NTM: variants seen among roughly 807,000 people sequenced by gnomAD.
The protein encoded by NTM is IgLON family member 2.
A neutral mutation model predicts 42.1 loss-of-function variants in NTM; 13 were observed. The observed-to-expected ratio is 0.31, with a 90% CI of 0.20 to 0.49. NTM has a LOEUF of 0.49. NTM is among the 20% of genes least tolerant of loss of function. The pLI is 0.99. For missense variants in NTM, 373 were observed against 452.8 expected, an observed-to-expected ratio of 0.82 and a Z score of 1.60; for synonymous variants, 187 against 179.2, an observed-to-expected ratio of 1.04 and a Z score of -0.35.
intron 1 of NTM, among the ~76,000 whole-genome samples, chr11:131,540,000 C>T (rs535224179): frequency 1.3e-5 from 2 of 152,268 alleles, no homozygotes; most frequent in Non-Finnish European, 2.9e-5. Flanking sequence ...GTCACCTTAG[C>T]TCCCACCTCA....
intron 1 of NTM, among the ~76,000 whole-genome samples, chr11:131,529,510 T>C (rs924046665): frequency 2.6e-5 from 4 of 152,166 alleles, no homozygotes; most frequent in African/African-American, 9.7e-5. Flanking sequence ...GGCTCATCAG[T>C]GCCCAAGGAA....
At chr11:132,038,416 G>T (rs906680220) in intron 2 of NTM, among the ~76,000 whole-genome samples, 1 of 152,172 alleles carries the variant, frequency 6.6e-6, no homozygotes, top group Non-Finnish European at 1.5e-5. Context: ...GCAATTGTTA[G>T]TGCCCGGAGG....
chr11:131,738,941 A>G (rs895986238), intron 1 of NTM, among the ~76,000 whole-genome samples: 2 of 152,134 alleles, frequency 1.3e-5, no homozygotes, highest in Non-Finnish European at 1.5e-5. Flanking sequence ...CCAGAATGAG[A>G]TTCTATGGTC....
rs78144155 is a variant in NTM, at chr11:132,128,149, A to C, written c.168-18133A>C. On this transcript the variant is annotated intron_variant, in intron 2 of 8. Transcript: ENST00000683400. Reference sequence around the variant, plus strand: ...TGGGGACAGGACGCTGGAGAGGAGAAGCACATGGCAGTGGTATAGGATGGT... The same window carrying C: ...TGGGGACAGGACGCTGGAGAGGAGACGCACATGGCAGTGGTATAGGATGGT... 3.1e-3 allele frequency among the ~76,000 whole-genome samples: 468 copies of C among 152,310 alleles called. 4 individuals carry two copies. The highest frequency in any genetic ancestry group is 9.0e-3 in the African/African-American group (373 of 41,568).
chr11:131,854,104 A>G (rs1398005248), intron 1 of NTM, among the ~76,000 whole-genome samples: 1 of 152,204 alleles, frequency 6.6e-6, no homozygotes, highest in Non-Finnish European at 1.5e-5. Flanking sequence ...CAAAGAAAGC[A>G]TTGGTATATT....
intron 1 of NTM, among the ~76,000 whole-genome samples, chr11:131,568,718 T>A (rs1361310308): frequency 1.3e-5 from 2 of 152,170 alleles, no homozygotes; most frequent in African/African-American, 4.8e-5. Context: ...CTCTGATGGT[T>A]TCTCATTCCA....
chr11:131,635,384 T>C (rs2064227392), intron 1 of NTM, among the ~76,000 whole-genome samples: 1 of 152,168 alleles, frequency 6.6e-6, no homozygotes, highest in South Asian at 2.1e-4. Context: ...CATGTAGGTC[T>C]CAGCTAATGT....
intron 1 of NTM, among the ~76,000 whole-genome samples, chr11:131,450,992 G>T (rs1205531973): frequency 1.3e-5 from 2 of 152,060 alleles, no homozygotes; most frequent in Admixed American, 1.3e-4. Flanking sequence ...AACTCTCTTG[G>T]ACAAGTTATG....
At chr11:131,458,113 A>G (rs982658820) in intron 1 of NTM, among the ~76,000 whole-genome samples, 12 of 152,348 alleles carry the variant, frequency 7.9e-5, no homozygotes, top group African/African-American at 2.9e-4. Context: ...AAGAAGTTTG[A>G]TTACTGAGCC....
intron 1 of NTM, among the ~76,000 whole-genome samples, chr11:131,753,778 A>G (rs2082903255): frequency 6.6e-6 from 1 of 151,872 alleles, no homozygotes; most frequent in East Asian, 1.9e-4. Flanking sequence ...GCATTAGGAG[A>G]TATACCTAAT....
chr11:131,453,142 A>G (rs886729562), intron 1 of NTM, among the ~76,000 whole-genome samples: 3 of 152,176 alleles, frequency 2.0e-5, no homozygotes, highest in African/African-American at 7.2e-5. Context: ...CTCAGGACCA[A>G]TGGTTGAGGA....
intron 1 of NTM, among the ~76,000 whole-genome samples, chr11:131,898,469 GTTC>G (rs1318517371): frequency 1.3e-5 from 2 of 152,100 alleles, no homozygotes; most frequent in Non-Finnish European, 2.9e-5. Context: ...CCCCTTTTCT[GTTC>G]TTTTGAAATT....
chr11:132,308,938 A>T (rs73601206), intron 5 of NTM, among the ~76,000 whole-genome samples: 3,023 of 152,212 alleles, frequency 0.02, 91 homozygotes, highest in African/African-American at 0.069. Flanking sequence ...AAATATTACC[A>T]CAAGACTGCT....
At chr11:132,257,733 C>A (rs145302474) in intron 4 of NTM, among the ~76,000 whole-genome samples, 1 of 152,174 alleles carries the variant, frequency 6.6e-6, no homozygotes, top group African/African-American at 2.4e-5. Context: ...AAGTTTAAAG[C>A]GATTGCTTGC....
At chr11:132,012,320 G>A (rs1321550139) in intron 2 of NTM, among the ~76,000 whole-genome samples, 5 of 152,024 alleles carry the variant, frequency 3.3e-5, no homozygotes, top group Admixed American at 3.3e-4. Flanking sequence ...GTTAATTAAT[G>A]GCTAACAAAA....
At position 131,410,517 on chromosome 11, in the gene NTM, C is replaced by CAAA. The variant is rs1161389222; in HGVS notation, c.82+39653_82+39655dup. Among the ~76,000 whole-genome samples the CAAA allele has an allele frequency of 5.1e-3, 166 of 32,762 alleles. 22 individuals are homozygous for CAAA. The highest frequency in any genetic ancestry group is 0.011 in the African/African-American group (75 of 7,140). The allele number at this position is 32,762 out of a possible 152,430, so 21.5% of individuals were successfully genotyped here. ...CAGAAACAAACAAACAAACAATAAC[C>CAAA]AAAAAAAAAAAAAAAAAAAAAAAAA... On this transcript the variant is annotated intron_variant, in intron 1 of 8. Transcript: ENST00000683400.
intron 1 of NTM, among the ~76,000 whole-genome samples, chr11:131,543,785 C>T (rs769648048): frequency 7.9e-5 from 12 of 152,338 alleles, no homozygotes; most frequent in African/African-American, 2.9e-4. Flanking sequence ...AGTTGGTAAA[C>T]GAGTCCCAGT....
chr11:131,617,097 G>A (rs896286600), intron 1 of NTM, among the ~76,000 whole-genome samples: 5 of 152,108 alleles, frequency 3.3e-5, no homozygotes, highest in Non-Finnish European at 5.9e-5. Context: ...TGGACGCTGC[G>A]AGGCTGGGGC....
chr11:132,037,543 G>T (rs1245677273), intron 2 of NTM, among the ~76,000 whole-genome samples: 1 of 152,152 alleles, frequency 6.6e-6, no homozygotes, highest in Non-Finnish European at 1.5e-5. Flanking sequence ...GTTGACCTGC[G>T]AGAAGAGTCA....
Sources: gnomAD v4.1 joint callset for allele counts (sites outside exome capture counted in the v4.1 genomes callset) on GRCh38, gnomAD v4.1.1 for gene constraint, MANE v1.5 for transcripts, NCBI Gene and HGNC (gene_info 2026-07-23, HGNC 2026-07-21) for gene names.